Variants in PSD3 observed in about 807,000 individuals in gnomAD.
PSD3 encodes the protein PH and SEC7 domain-containing protein 3.
Under a neutral mutation model 105.5 loss-of-function variants are expected in PSD3, and 49 were observed. The observed-to-expected ratio is 0.46, with a 90% CI of 0.37 to 0.59. The LOEUF is 0.59. Ranked by LOEUF, PSD3 falls within the 20% of genes least tolerant of loss-of-function variation. The pLI is 0.00. For synonymous variants in PSD3, 557 were observed against 457.8 expected (o/e 1.22, Z -2.77); for missense variants, 1,561 against 1,263.8 (o/e 1.24, Z -3.57).
chr8:18,770,469 G>C (rs1244021246), intron 8 of PSD3, among the ~76,000 whole-genome samples: 3 of 152,112 alleles, frequency 2.0e-5, no homozygotes, highest in Non-Finnish European at 4.4e-5. Context: ...TTTTGAAGCA[G>C]GATATTTCCC....
chr8:19,019,952 G>A (rs1827309927), intron 1 of PSD3, among the ~76,000 whole-genome samples: 1 of 152,178 alleles, frequency 6.6e-6, no homozygotes. Context: ...TGTTAGACCA[G>A]AGGGTGGTCC....
intron 1 of PSD3, among the ~76,000 whole-genome samples, chr8:19,081,840 G>C (rs1829655574): frequency 6.6e-6 from 1 of 152,090 alleles, no homozygotes; most frequent in African/African-American, 2.4e-5. Context: ...ATTGACACTA[G>C]GACCTCAACT....
Position 18,636,622 on chromosome 8 carries a change from C to A in PSD3, c.2217-3816G>T, listed in dbSNP as rs187564066. Among the ~76,000 whole-genome samples the A allele has an allele frequency of 8.7e-4, 133 of 152,304 alleles. 1 individual carries two copies. The highest frequency in any genetic ancestry group is 3.0e-3 in the African/African-American group (125 of 41,570). ...GAGCAACTTCCAGTTCTGCAAACTC[C>A]ATTCATGGTAAAGTGCCCTAAACAG... On this transcript the variant is annotated intron_variant, in intron 10 of 15. Coordinates refer to ENST00000327040, the MANE Select transcript of PSD3 (RefSeq NM_015310.4).
chr8:18,656,926 A>G lies in PSD3; in HGVS notation c.2173-1241T>C, dbSNP rs367963034. On this transcript the variant is annotated intron_variant, in intron 9 of 15. Coordinates refer to ENST00000327040, the MANE Select transcript of PSD3 (RefSeq NM_015310.4). ...AGTAAGATGTTATAAGGAACACACA[A>G]ATGCATTTCTAAGGTACAAAACCAC... Among the ~76,000 whole-genome samples the G allele has an allele frequency of 1.5e-4, 23 of 152,318 alleles. No homozygotes were observed. The South Asian group carries it at 3.9e-3, about 26-fold the overall frequency.
intron 4 of PSD3, among the ~76,000 whole-genome samples, chr8:18,848,213 T>C (rs6993404): frequency 0.46 from 69,971 of 152,004 alleles, 16,599 homozygotes; most frequent in Admixed American, 0.52. Context: ...TGTTTAACCA[T>C]GTTGGTGTAC....
At chr8:18,927,141 C>T (rs539354001) in intron 2 of PSD3, among the ~76,000 whole-genome samples, 1 of 152,182 alleles carries the variant, frequency 6.6e-6, no homozygotes, top group Non-Finnish European at 1.5e-5. Flanking sequence ...AAGCCCTCCC[C>T]AGGCACGCCA....
At chr8:18,754,931 TG>T (rs1248496659) in intron 9 of PSD3, among the ~76,000 whole-genome samples, 1 of 152,164 alleles carries the variant, frequency 6.6e-6, no homozygotes, top group East Asian at 1.9e-4. Context: ...ATATTTGCCA[TG>T]GTAGTTCCAC....
In PSD3 at chr8:18,804,742, T is replaced by C. The variant is rs750363056; in HGVS notation, c.1791A>G (p.Arg597=). ...GTTTTGCAACATCTGATCTTTTGAA[T>C]CTGTCCAGCTGATAAAGGCGTTTGG... ...RLAKRLYQLD[R]FKRSDVAKHL... The change falls in exon 5 of 16, where the codon AGA becomes AGG. Residue 597 remains arginine (R), a synonymous_variant. Transcript: ENST00000327040. The C allele has an allele frequency of 1.2e-6, 2 of 1,614,096 alleles. No individual in the cohort carries two copies. The highest frequency in any genetic ancestry group is 4.5e-5 in the East Asian group (2 of 44,872).
intron 4 of PSD3, chr8:18,808,935 C>A: frequency 6.8e-7 from 1 of 1,468,722 alleles, no homozygotes; most frequent in South Asian, 1.4e-5. Flanking sequence ...CTCACATTCT[C>A]AGCCGAGTGT....
chr8:18,777,632 T>C (rs536488023), intron 8 of PSD3, among the ~76,000 whole-genome samples: 16 of 152,350 alleles, frequency 1.1e-4, no homozygotes, highest in African/African-American at 3.6e-4. Context: ...ATATTTTGGA[T>C]ACCCATCACT....
At chr8:18,787,830 A>C (rs566673624) in intron 8 of PSD3, among the ~76,000 whole-genome samples, 1 of 152,216 alleles carries the variant, frequency 6.6e-6, no homozygotes, top group Non-Finnish European at 1.5e-5. Context: ...ATACATTCCC[A>C]TAAACAATTT....
chr8:19,033,330 T>C (rs1013173595), intron 1 of PSD3, among the ~76,000 whole-genome samples: 4 of 152,168 alleles, frequency 2.6e-5, no homozygotes, highest in Non-Finnish European at 4.4e-5. Flanking sequence ...TCTACTGTTA[T>C]AGTTCCTCTA....
chr8:18,920,076 T>C lies in PSD3; in HGVS notation c.130+15958A>G, dbSNP rs928507670. Among the ~76,000 whole-genome samples, 8 of 149,718 alleles carry C rather than the reference T, an allele frequency of 5.3e-5. No homozygotes were observed. The South Asian group carries it at 1.7e-3, about 32-fold the overall frequency. On this transcript the variant is annotated intron_variant, in intron 2 of 15. Transcript: ENST00000327040. ...GTTTCATGGAGTTTCTAGAATTTCC[T>C]AGAGAACTACTAAATTAGTATTTCT...
chr8:18,708,476 A>C (rs1250740186), intron 9 of PSD3, among the ~76,000 whole-genome samples: 2 of 152,062 alleles, frequency 1.3e-5, no homozygotes, highest in East Asian at 3.9e-4. Context: ...AAAATTTCTA[A>C]CTTTCAGTCT....
intron 10 of PSD3, among the ~76,000 whole-genome samples, chr8:18,650,733 T>A (rs1808409854): frequency 6.6e-6 from 1 of 152,356 alleles, no homozygotes; most frequent in Middle Eastern, 3.4e-3. Context: ...TCCTTGCTAC[T>A]AACTTAAGGA....
At chr8:18,837,052 G>C (rs536539544) in intron 4 of PSD3, among the ~76,000 whole-genome samples, 2 of 152,028 alleles carry the variant, frequency 1.3e-5, no homozygotes, top group Non-Finnish European at 2.9e-5. Flanking sequence ...TCCAGAAGGA[G>C]AGAAAGGGAC....
At chr8:18,567,075 A>C (rs992460214) in intron 14 of PSD3, among the ~76,000 whole-genome samples, 1 of 152,200 alleles carries the variant, frequency 6.6e-6, no homozygotes, top group East Asian at 1.9e-4. Context: ...AAAATCAAGG[A>C]AACACTCATA....
chr8:18,638,013 C>T (rs542978774), intron 10 of PSD3, among the ~76,000 whole-genome samples: 1 of 151,922 alleles, frequency 6.6e-6, no homozygotes, highest in East Asian at 1.9e-4. Context: ...AATATTAGCC[C>T]ACTGCAGTGG....
At chr8:18,891,479 A>T (rs999444366) in intron 2 of PSD3, among the ~76,000 whole-genome samples, 9 of 152,038 alleles carry the variant, frequency 5.9e-5, no homozygotes, top group African/African-American at 1.9e-4. Flanking sequence ...GAGATACAGC[A>T]ATTTTTTAAA....
Sources: gnomAD v4.1 joint callset for allele counts (sites outside exome capture counted in the v4.1 genomes callset) on GRCh38, gnomAD v4.1.1 for gene constraint, MANE v1.5 for transcripts, NCBI Gene and HGNC (gene_info 2026-07-23, HGNC 2026-07-21) for gene names.